CREB3L2: variants seen among roughly 807,000 people sequenced by gnomAD.
The protein encoded by CREB3L2 is cyclic AMP-responsive element-binding protein 3-like protein 2.
Under a neutral mutation model 57.2 loss-of-function variants are expected in CREB3L2, and 23 were observed. That is an observed-to-expected ratio of 0.40 (90% CI 0.29 to 0.57). The LOEUF (loss-of-function observed/expected upper bound fraction) is 0.57. Ranked by LOEUF, CREB3L2 falls within the 20% of genes least tolerant of loss-of-function variation. CREB3L2 has a pLI of 0.42. For synonymous variants in CREB3L2, 268 were observed against 265.1 expected (o/e 1.01, Z -0.11); for missense variants, 628 against 634.7 (o/e 0.99, Z 0.11).
chr7:137,988,249 G>C (rs1351322081), intron 1 of CREB3L2, among the ~76,000 whole-genome samples: 1 of 152,270 alleles, frequency 6.6e-6, no homozygotes, highest in African/African-American at 2.4e-5. Flanking sequence ...GCAGAACCCA[G>C]AATCCAGCCA....
chr7:137,974,375 A>C (rs2117305474), intron 1 of CREB3L2, among the ~76,000 whole-genome samples: 1 of 152,336 alleles, frequency 6.6e-6, no homozygotes, highest in Non-Finnish European at 1.5e-5. Context: ...CAAAGGGAAA[A>C]GGGTGAAAAG....
intron 8 of CREB3L2, among the ~76,000 whole-genome samples, chr7:137,890,868 GAA>G (rs1799515613): frequency 6.6e-6 from 1 of 152,218 alleles, no homozygotes; most frequent in South Asian, 2.1e-4. Context: ...AGATGAAATG[GAA>G]AAGTTATTTT....
At chr7:137,929,453 A>G (rs1585635793) in intron 1 of CREB3L2, among the ~76,000 whole-genome samples, 1 of 151,742 alleles carries the variant, frequency 6.6e-6, no homozygotes, top group Non-Finnish European at 1.5e-5. Flanking sequence ...TGCCGGTAGC[A>G]CTCCCCCAGT....
chr7:137,963,565 G>A (rs1277486586), intron 1 of CREB3L2, among the ~76,000 whole-genome samples: 1 of 152,130 alleles, frequency 6.6e-6, no homozygotes, highest in Non-Finnish European at 1.5e-5. Flanking sequence ...CTGGTATCAT[G>A]ATCCACCCCT....
chr7:137,887,649 T>C (rs2117180036), intron 8 of CREB3L2, among the ~76,000 whole-genome samples: 1 of 151,956 alleles, frequency 6.6e-6, no homozygotes, highest in South Asian at 2.1e-4. Context: ...GCAGAGGTTG[T>C]AGTAAGCTGG....
chr7:137,957,428 A>C (rs181961152), intron 1 of CREB3L2, among the ~76,000 whole-genome samples: 92 of 152,254 alleles, frequency 6.0e-4, no homozygotes, highest in African/African-American at 2.1e-3. Flanking sequence ...GAAATCCATT[A>C]ACATCACAAC....
At chr7:137,919,488 G>A (rs1472855973) in intron 2 of CREB3L2, among the ~76,000 whole-genome samples, 1 of 152,126 alleles carries the variant, frequency 6.6e-6, no homozygotes, top group Non-Finnish European at 1.5e-5. Flanking sequence ...TTCTAGATGA[G>A]GAAAATGACA....
chr7:137,941,185 T>C (rs1400399220), intron 1 of CREB3L2, among the ~76,000 whole-genome samples: 1 of 152,214 alleles, frequency 6.6e-6, no homozygotes, highest in East Asian at 1.9e-4. Context: ...CAACCTTGGG[T>C]CAAATCACTT....
intron 2 of CREB3L2, among the ~76,000 whole-genome samples, chr7:137,921,015 T>G (rs1800263413): frequency 1.3e-5 from 2 of 152,224 alleles, no homozygotes; most frequent in Non-Finnish European, 2.9e-5. Context: ...TAGTTTTACT[T>G]TATTGGCAAA....
chr7:137,988,065 T>C (rs998705822), intron 1 of CREB3L2, among the ~76,000 whole-genome samples: 10 of 152,240 alleles, frequency 6.6e-5, no homozygotes, highest in African/African-American at 2.4e-4. Flanking sequence ...CTTTCCTCCC[T>C]GTGCAGTCTG....
At chr7:137,894,584 A>G (rs1038652368) in intron 8 of CREB3L2, among the ~76,000 whole-genome samples, 1 of 152,160 alleles carries the variant, frequency 6.6e-6, no homozygotes, top group Non-Finnish European at 1.5e-5. Context: ...AAGTCCACAT[A>G]GGCCCTGGAA....
intron 1 of CREB3L2, among the ~76,000 whole-genome samples, chr7:137,969,820 A>T (rs1801477537): frequency 7.3e-6 from 1 of 136,668 alleles, no homozygotes; most frequent in Non-Finnish European, 1.5e-5. Flanking sequence ...GAAAGACAGA[A>T]AAATAAGTTA....
At chr7:137,983,538 G>A (rs1241434849) in intron 1 of CREB3L2, among the ~76,000 whole-genome samples, 1 of 152,224 alleles carries the variant, frequency 6.6e-6, no homozygotes, top group Non-Finnish European at 1.5e-5. Context: ...GCTTCAGGCA[G>A]GTGTTGTTAA....
chr7:137,950,771 T>C (rs145976415), intron 1 of CREB3L2, among the ~76,000 whole-genome samples: 113 of 152,324 alleles, frequency 7.4e-4, no homozygotes, highest in African/African-American at 2.5e-3. Context: ...TCACATATTC[T>C]CATTTAATTG....
At chr7:137,956,828 C>T (rs189541444) in intron 1 of CREB3L2, among the ~76,000 whole-genome samples, 93 of 152,302 alleles carry the variant, frequency 6.1e-4, no homozygotes, top group African/African-American at 2.1e-3. Context: ...CCGCACAGAG[C>T]TAGGTGAATC....
intron 1 of CREB3L2, among the ~76,000 whole-genome samples, chr7:137,942,198 C>T (rs1312921713): frequency 6.6e-6 from 1 of 152,224 alleles, no homozygotes; most frequent in Non-Finnish European, 1.5e-5. Flanking sequence ...ACTTCTCATT[C>T]AAACTTTTAT....
intron 8 of CREB3L2, among the ~76,000 whole-genome samples, chr7:137,894,280 C>T (rs1799576374): frequency 6.6e-6 from 1 of 152,180 alleles, no homozygotes; most frequent in African/African-American, 2.4e-5. Flanking sequence ...ACAGCATCCA[C>T]CCGGATCTGT....
intron 1 of CREB3L2, among the ~76,000 whole-genome samples, chr7:137,966,086 C>T (rs944032310): frequency 1.1e-4 from 17 of 152,090 alleles, no homozygotes; most frequent in African/African-American, 3.9e-4. Flanking sequence ...TCACTGATGG[C>T]ATCAAGGACT....
chr7:137,945,297 T>C lies in CREB3L2; in HGVS notation c.103-16931A>G, dbSNP rs147469714. On this transcript the variant is annotated intron_variant, in intron 1 of 11. Coordinates refer to ENST00000330387, the MANE Select transcript of CREB3L2 (RefSeq NM_194071.4). ...AAAATGTTGATGCACTCCTGTGTAG[T>C]GTTAATACGGTTTTTTAATTCTTCT... 2.1e-3 allele frequency among the ~76,000 whole-genome samples: 322 copies of C among 152,364 alleles called. 1 individual carries two copies. The highest frequency in any genetic ancestry group is 3.9e-3 in the Non-Finnish European group (263 of 68,034).
Sources: allele counts gnomAD v4.1 joint callset (sites outside exome capture counted in the v4.1 genomes callset), GRCh38; gene constraint gnomAD v4.1.1; transcripts MANE v1.5; gene names NCBI Gene and HGNC (gene_info 2026-07-23, HGNC 2026-07-21).